LRP1B: variants seen among roughly 807,000 people sequenced by gnomAD.
LRP1B encodes LDL receptor related protein 1B.
A neutral mutation model predicts 556.6 loss-of-function variants in LRP1B; 217 were observed. The ratio of observed to expected loss-of-function variants is 0.39; its 90% CI spans 0.35 to 0.44. The LOEUF (loss-of-function observed/expected upper bound fraction) is 0.44, where lower values mean the gene tolerates loss of function less well. Ranked by LOEUF, LRP1B falls within the 20% of genes least tolerant of loss-of-function variation. The pLI, the probability that LRP1B is intolerant of heterozygous loss-of-function variation, is 1.00. For synonymous variants in LRP1B, 2,047 were observed against 1,865.8 expected, an observed-to-expected ratio of 1.10 and a Z score of -2.50; for missense variants, 5,053 against 5,620.8, an observed-to-expected ratio of 0.90 and a Z score of 3.23.
At chr2:140,985,837 CTTA>C (rs2105348155) in intron 17 of LRP1B, among the ~76,000 whole-genome samples, 1 of 151,354 alleles carries the variant, frequency 6.6e-6, no homozygotes, top group Admixed American at 6.6e-5. Context: ...TATATCAAAT[CTTA>C]TTTTTTTCTA....
intron 51 of LRP1B, 98 bp downstream of exon 51, chr2:140,514,555 T>C (rs1689804679): frequency 8.6e-7 from 1 of 1,168,366 alleles, no homozygotes; most frequent in Non-Finnish European, 1.2e-6. Flanking sequence ...AAATTTTATG[T>C]TAATTTTAAT....
chr2:140,785,641 C>A (rs1249330069), intron 32 of LRP1B, among the ~76,000 whole-genome samples: 1 of 152,020 alleles, frequency 6.6e-6, no homozygotes, highest in Non-Finnish European at 1.5e-5. Flanking sequence ...TCGCTAACTA[C>A]CCCCTATACC....
intron 66 of LRP1B, among the ~76,000 whole-genome samples, chr2:140,390,021 T>G (rs1037278975): frequency 6.6e-6 from 1 of 151,872 alleles, no homozygotes; most frequent in Non-Finnish European, 1.5e-5. Flanking sequence ...TCCCAGCTAC[T>G]TGGGAAGCTG....
chr2:140,558,194 G>A (rs1460737095), intron 43 of LRP1B, among the ~76,000 whole-genome samples: 1 of 152,138 alleles, frequency 6.6e-6, no homozygotes, highest in Non-Finnish European at 1.5e-5. Flanking sequence ...CCACTTTAGA[G>A]AGCAGTTTCA....
Position 141,544,331 on chromosome 2 carries a change from C to CTTCTT in LRP1B, c.206-63803_206-63799dup, listed in dbSNP as rs1559131073. Reference sequence around the variant, plus strand: ...TCTTCTTCTTCTTCTTCTTCTTCTTCTTCTTCTTCTTCTTCTTCTTCTTCT... The same window carrying CTTCTT: ...TCTTCTTCTTCTTCTTCTTCTTCTTCTTCTTTTCTTCTTCTTCTTCTTCTTCTTCT... On this transcript the variant is annotated intron_variant, in intron 2 of 90. Coordinates refer to ENST00000389484, the MANE Select transcript of LRP1B (RefSeq NM_018557.3). 9.3e-3 allele frequency among the ~76,000 whole-genome samples: 274 copies of CTTCTT among 29,490 alleles called. 3 individuals are homozygous for CTTCTT. The highest frequency in any genetic ancestry group is 0.045 in the East Asian group (55 of 1,232). The allele number at this position is 29,490 out of a possible 152,430, so 19.3% of individuals were successfully genotyped here. A position where few individuals can be genotyped will look rare whatever the true frequency, so the allele number is the denominator to read the frequency against.
intron 2 of LRP1B, among the ~76,000 whole-genome samples, chr2:141,693,026 A>G (rs1407864362): frequency 3.3e-5 from 5 of 152,042 alleles, no homozygotes; most frequent in African/African-American, 1.2e-4. Context: ...GGGTGCTAGA[A>G]GAGCACTTAA....
intron 2 of LRP1B, among the ~76,000 whole-genome samples, chr2:141,579,255 T>C (rs1275366438): frequency 3.3e-5 from 5 of 152,168 alleles, no homozygotes; most frequent in African/African-American, 1.2e-4. Flanking sequence ...ACAGTCACAT[T>C]TGCACTCCTC....
rs573146300 is a variant in LRP1B, at chr2:141,522,083, G to A, written c.206-41550C>T. Among the ~76,000 whole-genome samples the A allele has an allele frequency of 4.6e-5, 7 of 152,232 alleles. No individual in the cohort carries two copies. In the South Asian group the frequency reaches 1.4e-3, roughly 32 times the overall value. ...TTACTCTAAATCAGAGGTCCACAAA[G>A]TGTGGCTCATAGATTACAGCAGCAG... On this transcript the variant is annotated intron_variant, in intron 2 of 90. Coordinates refer to ENST00000389484, the MANE Select transcript of LRP1B (RefSeq NM_018557.3).
intron 3 of LRP1B, among the ~76,000 whole-genome samples, chr2:141,330,109 T>C (rs78778483): frequency 6.6e-6 from 1 of 152,300 alleles, no homozygotes; most frequent in East Asian, 1.9e-4. Context: ...ATTATGTTAC[T>C]AAAACATCCA....
At chr2:141,840,840 A>G (rs1574416747) in intron 1 of LRP1B, among the ~76,000 whole-genome samples, 1 of 152,198 alleles carries the variant, frequency 6.6e-6, no homozygotes, top group South Asian at 2.1e-4. Flanking sequence ...CACTACTACA[A>G]TCCAAATATG....
At chr2:141,139,141 T>G (rs534954149) in intron 7 of LRP1B, among the ~76,000 whole-genome samples, 31 of 151,886 alleles carry the variant, frequency 2.0e-4, no homozygotes, top group Non-Finnish European at 3.4e-4. Context: ...ATTAGACATC[T>G]ATATGCAAAA....
intron 2 of LRP1B, among the ~76,000 whole-genome samples, chr2:141,518,132 A>C (rs1684392266): frequency 6.6e-6 from 1 of 151,938 alleles, no homozygotes; most frequent in African/African-American, 2.4e-5. Context: ...TAAAAAAAAA[A>C]AAGTCTTTAA....
intron 6 of LRP1B, among the ~76,000 whole-genome samples, chr2:141,204,316 A>G (rs1209727990): frequency 6.6e-6 from 1 of 152,338 alleles, no homozygotes; most frequent in Middle Eastern, 3.4e-3. Flanking sequence ...AATTTGTTTG[A>G]CATGGGTAGA....
chr2:140,339,591 T>C (rs10199292), intron 77 of LRP1B, among the ~76,000 whole-genome samples: 75 of 151,878 alleles, frequency 4.9e-4, no homozygotes, highest in African/African-American at 1.7e-3. Flanking sequence ...TGTGTGTCTC[T>C]GTAGGATATT....
chr2:140,569,530 C>T (rs900930277), intron 43 of LRP1B, among the ~76,000 whole-genome samples: 4 of 151,788 alleles, frequency 2.6e-5, no homozygotes, highest in African/African-American at 9.7e-5. Flanking sequence ...ATACACCCAA[C>T]ATTAGAGCAC....
At chr2:140,995,455 TAAC>T (rs1697216700) in intron 15 of LRP1B, among the ~76,000 whole-genome samples, 1 of 152,068 alleles carries the variant, frequency 6.6e-6, no homozygotes, top group South Asian at 2.1e-4. Flanking sequence ...CTGATCAAAG[TAAC>T]AACAACATTA....
intron 1 of LRP1B, among the ~76,000 whole-genome samples, chr2:142,038,509 G>A (rs961569095): frequency 2.7e-4 from 41 of 151,644 alleles, no homozygotes; most frequent in African/African-American, 9.7e-4. Flanking sequence ...AGAGGGTCAG[G>A]CACTGTTCTA....
At chr2:141,231,191 A>G (rs1486879278) in intron 5 of LRP1B, among the ~76,000 whole-genome samples, 2 of 152,234 alleles carry the variant, frequency 1.3e-5, no homozygotes, top group Admixed American at 6.5e-5. Flanking sequence ...CAGAGCATAT[A>G]CTATAACTAA....
intron 7 of LRP1B, among the ~76,000 whole-genome samples, chr2:141,185,274 A>C (rs1681190041): frequency 6.6e-6 from 1 of 152,076 alleles, no homozygotes; most frequent in Non-Finnish European, 1.5e-5. Context: ...CCAGGATTTG[A>C]TCTCAGTAAG....
Sources: allele counts gnomAD v4.1 joint callset (sites outside exome capture counted in the v4.1 genomes callset), GRCh38; gene constraint gnomAD v4.1.1; transcripts MANE v1.5; gene names NCBI Gene and HGNC (gene_info 2026-07-23, HGNC 2026-07-21).